Variants in CANX observed in about 807,000 individuals in gnomAD.
The protein encoded by CANX is calnexin.
In CANX, 14 loss-of-function variants were observed where a neutral mutation model predicts 75.7. The observed-to-expected ratio is 0.19, with a 90% CI of 0.12 to 0.29. The LOEUF is 0.29. Ranked by LOEUF, CANX falls within the 10% of genes least tolerant of loss-of-function variation. The pLI is 1.00. For missense variants in CANX, 567 were observed against 713.2 expected (o/e 0.79, Z 2.34); for synonymous variants, 227 against 236.9 (o/e 0.96, Z 0.38).
upstream of CANX, among the ~76,000 whole-genome samples, chr5:179,693,433 G>T (rs1040340515): frequency 3.3e-5 from 4 of 121,258 alleles, no homozygotes; most frequent in African/African-American, 1.1e-4. Flanking sequence ...CAGCACTTTG[G>T]GAGGCCAAGG....
chr5:179,707,865 T>C (rs552266052), intron 4 of CANX, among the ~76,000 whole-genome samples: 43 of 152,256 alleles, frequency 2.8e-4, no homozygotes, highest in Non-Finnish European at 4.7e-4. Flanking sequence ...CGGAGTCTCA[T>C]TCTTGCCACC....
intron 1 of CANX, among the ~76,000 whole-genome samples, chr5:179,684,001 G>C (rs981982990): frequency 6.6e-6 from 1 of 152,116 alleles, no homozygotes; most frequent in African/African-American, 2.4e-5. Flanking sequence ...ATGCACATTT[G>C]GGTTGTTTCC....
upstream of CANX, chr5:179,698,743 G>A (rs893500715): frequency 1.5e-6 from 1 of 673,570 alleles, no homozygotes; most frequent in East Asian, 6.7e-5. Flanking sequence ...CTCACCTCCC[G>A]CCCAACCAAC....
intron 1 of CANX, among the ~76,000 whole-genome samples, chr5:179,702,545 A>G (rs1776843749): frequency 6.6e-6 from 1 of 152,130 alleles, no homozygotes; most frequent in Non-Finnish European, 1.5e-5. Context: ...GAGATTGAAT[A>G]GTATTCCATT....
intron 1 of CANX, chr5:179,679,401 G>A: frequency 1.4e-6 from 1 of 708,986 alleles, no homozygotes; most frequent in Non-Finnish European, 2.3e-6. Context: ...CGAGGAGCCC[G>A]TCGTTCCACG....
chr5:179,716,730 G>C (rs1361746482), intron 8 of CANX, among the ~76,000 whole-genome samples: 1 of 152,048 alleles, frequency 6.6e-6, no homozygotes. Flanking sequence ...ACCACCATCT[G>C]CCTACACAGA....
At chr5:179,703,768 A>C (rs921270832) in intron 1 of CANX, among the ~76,000 whole-genome samples, 1 of 151,904 alleles carries the variant, frequency 6.6e-6, no homozygotes, top group African/African-American at 2.4e-5. Context: ...ATAGAGGGAG[A>C]GGGTGCTGAT....
intron 8 of CANX, among the ~76,000 whole-genome samples, chr5:179,718,215 C>G (rs1778083731): frequency 6.6e-6 from 1 of 152,080 alleles, no homozygotes; most frequent in Admixed American, 6.5e-5. Context: ...CTCGTTTTGT[C>G]ACCCAGGCTG....
At chr5:179,726,649 G>A in intron 13 of CANX, 31 bp from the exon 14 acceptor site, 1 of 1,466,048 alleles carries the variant, frequency 6.8e-7, no homozygotes, top group Non-Finnish European at 9.6e-7. Flanking sequence ...AAATAATAAG[G>A]TTTTGCTCAG....
chr5:179,684,956 T>TTTTTTTTAATTTAAA, intron 1 of CANX, among the ~76,000 whole-genome samples: 1 of 98,998 alleles, frequency 1.0e-5, no homozygotes, highest in Non-Finnish European at 2.1e-5. Context: ...TTTTTTTTTT[T>TTTTTTTTAATTTAAA]ACTAGAGACA....
chr5:179,711,785 C>A (rs1346309776), intron 7 of CANX, among the ~76,000 whole-genome samples: 10 of 105,284 alleles, frequency 9.5e-5, no homozygotes, highest in African/African-American at 3.0e-4. Context: ...GACTCTGTCT[C>A]AAAAAAAAAA....
chr5:179,707,337 C>T, intron 4 of CANX, 147 bp downstream of exon 4: 1 of 590,354 alleles, frequency 1.7e-6, no homozygotes, highest in Non-Finnish European at 3.1e-6. Context: ...GTAATCCCAG[C>T]ACTTTCGGAA....
At chr5:179,681,615 T>C (rs1488567883) in intron 1 of CANX, among the ~76,000 whole-genome samples, 1 of 152,112 alleles carries the variant, frequency 6.6e-6, no homozygotes, top group East Asian at 1.9e-4. Flanking sequence ...TACATGTCAG[T>C]TATTGGCCAG....
chr5:179,705,023 T>C (rs1314057629), intron 1 of CANX, among the ~76,000 whole-genome samples: 1 of 152,124 alleles, frequency 6.6e-6, no homozygotes, highest in East Asian at 1.9e-4. Flanking sequence ...GACGAACTCT[T>C]GCTCTGTCAC....
intron 7 of CANX, among the ~76,000 whole-genome samples, chr5:179,713,020 C>T (rs1562489189): frequency 6.6e-6 from 1 of 151,746 alleles, no homozygotes; most frequent in Non-Finnish European, 1.5e-5. Flanking sequence ...CTGCCCGCCT[C>T]AGCTCCTGAA....
Position 179,709,876 on chromosome 5 carries a change from C to G in CANX, c.532C>G (p.Gln178Glu). Residue 178 changes from glutamine to glutamate, a missense_variant, in exon 7 of 15, where the codon CAG (glutamine) becomes GAG (glutamate). Gln to Glu is a conservative substitution (Grantham distance 29). Coordinates refer to ENST00000247461, the MANE Select transcript of CANX (RefSeq NM_001746.4). ...TAATCCTTTTTTGTTTTTGAAGGATCAGTTCCATGACAAGACCCCTTATAC... is the reference window on the plus strand; with the variant it reads ...TAATCCTTTTTTGTTTTTGAAGGATGAGTTCCATGACAAGACCCCTTATAC... ...LSKTPELNLD[Q>E]FHDKTPYTIM... 2 of 1,573,784 alleles carry G rather than the reference C, an allele frequency of 1.3e-6. No individual in the cohort carries two copies. The highest frequency in any genetic ancestry group is 1.7e-6 in the Non-Finnish European group (2 of 1,163,828).
upstream of CANX, chr5:179,698,398 G>A (rs991030879): frequency 1.1e-5 from 13 of 1,230,444 alleles, no homozygotes; most frequent in Admixed American, 5.5e-5. Context: ...CTGCGGCGCC[G>A]GCTCACACAG....
chr5:179,707,627 A>C (rs867432256), intron 4 of CANX, among the ~76,000 whole-genome samples: 194 of 137,688 alleles, frequency 1.4e-3, no homozygotes, highest in Middle Eastern at 0.011. Flanking sequence ...AAGTTTTGCC[A>C]CCTTTGTGTG....
chr5:179,726,610 G>A (rs1778692289), intron 13 of CANX, 70 bp from the exon 14 acceptor site: 2 of 901,422 alleles, frequency 2.2e-6, no homozygotes, highest in East Asian at 5.2e-5. Context: ...ATCTAGAGAT[G>A]TGTTCTAATG....
Sources: allele counts gnomAD v4.1 joint callset (sites outside exome capture counted in the v4.1 genomes callset), GRCh38; gene constraint gnomAD v4.1.1; transcripts MANE v1.5; gene names NCBI Gene and HGNC (gene_info 2026-07-23, HGNC 2026-07-21).